RABL2B: variants seen among roughly 807,000 people sequenced by gnomAD.
RABL2B encodes RAB, member of RAS oncogene family like 2B.
Under a neutral mutation model 26.7 loss-of-function variants are expected in RABL2B, and 17 were observed. The observed-to-expected ratio is 0.64, with a 90% CI of 0.44 to 0.95. RABL2B has a LOEUF of 0.95. Among genes scored for constraint, RABL2B ranks in the 40% least tolerant of loss-of-function variants. The pLI is 0.00. For missense variants in RABL2B, 170 were observed against 277.2 expected, an observed-to-expected ratio of 0.61 and a Z score of 2.75; for synonymous variants, 70 against 103.9, an observed-to-expected ratio of 0.67 and a Z score of 1.99.
chr22:50,781,601 T>C (rs1268150198), intron 2 of RABL2B, among the ~76,000 whole-genome samples: 1 of 152,146 alleles, frequency 6.6e-6, no homozygotes, highest in Non-Finnish European at 1.5e-5. Context: ...TGTACCGTCA[T>C]GCTATGAAGG....
chr22:50,781,344 A>G (rs1383161202), intron 2 of RABL2B, among the ~76,000 whole-genome samples: 1,339 of 114,726 alleles, frequency 0.012, 14 homozygotes, highest in African/African-American at 0.046. Flanking sequence ...ACTCCGTCTC[A>G]AAAAAAAAAA....
intron 5 of RABL2B, chr22:50,772,941 C>T (rs1227024252): frequency 3.0e-5 from 37 of 1,239,230 alleles, no homozygotes; most frequent in Admixed American, 5.8e-5. Flanking sequence ...CTCAGCTCCC[C>T]GTGTGGTCAG....
At chr22:50,773,409 G>A (rs1336373530) in intron 5 of RABL2B, among the ~76,000 whole-genome samples, 1 of 152,154 alleles carries the variant, frequency 6.6e-6, no homozygotes, top group Non-Finnish European at 1.5e-5. Context: ...CCTCACCACT[G>A]GTATCTGTAC....
rs782069543 is a variant in RABL2B, at chr22:50,769,541, C to T, written c.421G>A (p.Val141Met). Reference sequence around the variant, plus strand: ...GCAAAATTGAAGCTTTTTTGGGTCACGTTTATGTCTGCTGTAGAGAGAAGG... The same window carrying T: ...GCAAAATTGAAGCTTTTTTGGGTCATGTTTATGTCTGCTGTAGAGAGAAGG... ...VANKIDADIN[V>M]TQKSFNFAKK... The change falls in exon 7 of 9, where the codon GTG becomes ATG. Residue 141 changes from valine to methionine, a missense_variant. Val to Met is a conservative substitution (Grantham distance 21). This residue lies in a region of RABL2B where 165 missense variants were observed against 232.0 expected (regional missense o/e 0.71). Coordinates refer to ENST00000691320, the MANE Select transcript of RABL2B (RefSeq NM_001130919.3). 2.6e-5 allele frequency: 42 copies of T among 1,612,026 alleles called. No homozygotes were observed. The highest frequency in any genetic ancestry group is 6.7e-5 in the East Asian group (3 of 44,828).
chr22:50,780,397 CTT>C (rs149044797), intron 2 of RABL2B, among the ~76,000 whole-genome samples: 140 of 122,228 alleles, frequency 1.1e-3, no homozygotes, highest in African/African-American at 3.4e-3. Flanking sequence ...CAAGTGTTAA[CTT>C]TTTTTTTTTT....
rs1196488820 is a variant in RABL2B at position 50,768,042 on chromosome 22, G to C, written c.*734C>G. On this transcript the variant is annotated 3_prime_UTR_variant, in exon 9 of 9. Coordinates refer to ENST00000691320, the MANE Select transcript of RABL2B (RefSeq NM_001130919.3). ...GGCCGAGGCGGGCGGATCACGAGGTGAGGAGATCGAGACCATCCTGGGCAA... is the reference window on the plus strand; with the variant it reads ...GGCCGAGGCGGGCGGATCACGAGGTCAGGAGATCGAGACCATCCTGGGCAA... The C allele has an allele frequency of 9.9e-5, 27 of 271,558 alleles. No individual in the cohort carries two copies. Among genetic ancestry groups the C allele is most frequent in the Admixed American group, 3.1e-4 (6 of 19,066 alleles). The allele number at this position is 271,558 out of a possible 1,614,324, so 16.8% of individuals were successfully genotyped here. A position where few individuals can be genotyped will look rare whatever the true frequency, so the allele number is the denominator to read the frequency against.
At position 50,767,729 on chromosome 22, in the gene RABL2B, C is replaced by T. The variant is rs2083610680; in HGVS notation, c.*1047G>A. The T allele has an allele frequency of 4.4e-6, 2 of 455,120 alleles. No homozygotes were observed. The highest frequency in any genetic ancestry group is 8.8e-6 in the Non-Finnish European group (2 of 226,388). The allele number at this position is 455,120 out of a possible 1,614,324, so 28.2% of individuals were successfully genotyped here. On this transcript the variant is annotated 3_prime_UTR_variant, in exon 9 of 9. Transcript: ENST00000691320. ...TATTCCTCAAAAAAAAGGACAGCCTCTTTATGCTGAAATAGGAACTTTAAA... is the reference window on the plus strand; with the variant it reads ...TATTCCTCAAAAAAAAGGACAGCCTTTTTATGCTGAAATAGGAACTTTAAA...
intron 2 of RABL2B, among the ~76,000 whole-genome samples, chr22:50,780,387 CA>C (rs2085628821): frequency 6.7e-6 from 1 of 148,616 alleles, no homozygotes; most frequent in South Asian, 2.1e-4. Flanking sequence ...ATGATGAACA[CA>C]AGTGTTAACT....
At position 50,773,226 on chromosome 22, in the gene RABL2B, C is replaced by T. The variant is rs1452077900; in HGVS notation, c.297+2546G>A. 3.3e-4 allele frequency: 421 copies of T among 1,278,344 alleles called. 3 individuals carry two copies. Among genetic ancestry groups the T allele is most frequent in the Non-Finnish European group, 3.1e-5 (30 of 973,740 alleles). 79.2% of individuals were successfully genotyped at this position (1,278,344 alleles called of 1,614,324 possible). On this transcript the variant is annotated intron_variant, in intron 5 of 8. Coordinates refer to ENST00000691320, the MANE Select transcript of RABL2B (RefSeq NM_001130919.3). ...AGGGTCAGACTTCTGCACTACACTG[C>T]CCCCATTTTCCTTGCCCCATCATCC...
intron 5 of RABL2B, chr22:50,773,250 C>T: frequency 1.6e-6 from 2 of 1,283,036 alleles, no homozygotes; most frequent in South Asian, 1.3e-5. Flanking sequence ...GCCCCATCAT[C>T]CTCTTGTTTA....
chr22:50,777,002 C>T (rs2085091767), intron 3 of RABL2B, among the ~76,000 whole-genome samples: 1 of 152,134 alleles, frequency 6.6e-6, no homozygotes. Context: ...AAACACAGAA[C>T]AGGATTTTAC....
At chr22:50,772,311 G>C in intron 5 of RABL2B, 1 of 984,568 alleles carries the variant, frequency 1.0e-6, no homozygotes, top group South Asian at 4.7e-5. Context: ...TTAAAGGCAT[G>C]AGTCACCGCG....
At position 50,768,675 on chromosome 22, in the gene RABL2B, A is replaced by G; in HGVS notation, c.*101T>C. On this transcript the variant is annotated 3_prime_UTR_variant, in exon 9 of 9. Transcript: ENST00000691320. ...ATAGGATGGGTGGGTTGCAGGAGGT[A>G]GAAGAGGGGATGGCCTAGAGAGTTT... 1 of 1,494,536 alleles carries G rather than the reference A, an allele frequency of 6.7e-7. No homozygotes were observed. Among genetic ancestry groups the G allele is most frequent in the East Asian group, 2.5e-5 (1 of 40,612 alleles). 92.6% of individuals were successfully genotyped at this position (1,494,536 alleles called of 1,614,324 possible). A position where few individuals can be genotyped will look rare whatever the true frequency, so the allele number is the denominator to read the frequency against.
At chr22:50,779,540 G>T (rs1220189949) in intron 2 of RABL2B, among the ~76,000 whole-genome samples, 1 of 151,868 alleles carries the variant, frequency 6.6e-6, no homozygotes, top group Admixed American at 6.6e-5. Flanking sequence ...TTAGTTTTGG[G>T]TGGGGGGGGT....
chr22:50,780,235 G>GAA (rs574044803), intron 2 of RABL2B, among the ~76,000 whole-genome samples: 14 of 135,308 alleles, frequency 1.0e-4, no homozygotes, highest in African/African-American at 3.8e-4. Flanking sequence ...TGCTGCATGA[G>GAA]AAAAAAAAAA....
intron 5 of RABL2B, among the ~76,000 whole-genome samples, chr22:50,775,344 G>T (rs575513659): frequency 1.3e-5 from 2 of 152,234 alleles, no homozygotes; most frequent in South Asian, 4.1e-4. Context: ...GAGGCGAGGG[G>T]CTGGCCTGAG....
chr22:50,774,392 T>C (rs2084660795), intron 5 of RABL2B, among the ~76,000 whole-genome samples: 1 of 151,120 alleles, frequency 6.6e-6, no homozygotes, highest in Non-Finnish European at 1.5e-5. Flanking sequence ...TCTCTTTGGA[T>C]ACTTGATCTT....
Position 50,775,753 on chromosome 22 carries a change from C to T in RABL2B, c.297+19G>A. 6.2e-7 allele frequency: 1 copy of T among 1,614,048 alleles called. No individual in the cohort carries two copies. Among genetic ancestry groups the T allele is most frequent in the Non-Finnish European group, 8.5e-7 (1 of 1,179,960 alleles). The stretch of plus-strand genomic sequence containing the variant: ...CAGACTTGCCCAGTGCCTTTGTCCA[C>T]CTCCCCACCGTCTCGTACCATGATG... On this transcript the variant is annotated intron_variant, in intron 5 of 8. Coordinates refer to ENST00000691320, the MANE Select transcript of RABL2B (RefSeq NM_001130919.3).
At chr22:50,778,158 C>T (rs1318516014) in intron 2 of RABL2B, among the ~76,000 whole-genome samples, 177 bp from the exon 3 acceptor site, 4 of 151,822 alleles carry the variant, frequency 2.6e-5, no homozygotes, top group Non-Finnish European at 4.4e-5. Context: ...ATTACCAACC[C>T]GTCATAACAA....
Sources: gnomAD v4.1 joint callset for allele counts (sites outside exome capture counted in the v4.1 genomes callset) on GRCh38, gnomAD v4.1.1 for gene constraint, gnomAD v4.1.1 regional missense constraint, MANE v1.5 for transcripts, NCBI Gene and HGNC (gene_info 2026-07-23, HGNC 2026-07-21) for gene names.